Variants in CDCA7L observed in about 807,000 individuals in gnomAD.
CDCA7L encodes cell division cycle associated 7 like.
CDCA7L carries 44 observed loss-of-function variants against 57.4 expected under a neutral mutation model. The observed-to-expected ratio is 0.77, with a 90% confidence interval of 0.60 to 0.98. CDCA7L has a LOEUF of 0.98. Ranked by LOEUF, CDCA7L falls within the 50% of genes least tolerant of loss-of-function variation. CDCA7L has a pLI of 0.00. For missense variants in CDCA7L, 644 were observed against 580.6 expected (o/e 1.11, Z -1.12); for synonymous variants, 236 against 202.8 (o/e 1.16, Z -1.39).
At chr7:21,905,268 C>G (rs1785102421) in intron 7 of CDCA7L, among the ~76,000 whole-genome samples, 5 of 152,090 alleles carry the variant, frequency 3.3e-5, no homozygotes, top group Admixed American at 3.3e-4. Context: ...TTAAACTATA[C>G]CGTTCCCTTC....
intron 3 of CDCA7L, among the ~76,000 whole-genome samples, chr7:21,911,190 C>T (rs1034588720): frequency 4.6e-5 from 7 of 151,598 alleles, no homozygotes; most frequent in African/African-American, 9.7e-5. Flanking sequence ...CCACCACGCC[C>T]GGCTAATTTT....
Position 21,901,452 on chromosome 7 carries a change from G to A in CDCA7L, c.*870C>T, listed in dbSNP as rs1345099922. 3.2e-6 allele frequency: 2 copies of A among 628,412 alleles called. No homozygotes were observed. Among genetic ancestry groups the A allele is most frequent in the South Asian group, 5.0e-5 (1 of 19,982 alleles). The allele number at this position is 628,412 out of a possible 1,614,324, so 38.9% of individuals were successfully genotyped here. ...GGGCTGAGCGTGGTGGCACACGACT[G>A]TAATCCCAGTTACTCAGGAGGTAGG... On this transcript the variant is annotated 3_prime_UTR_variant, in exon 10 of 10. Coordinates refer to ENST00000406877, the MANE Select transcript of CDCA7L (RefSeq NM_018719.5).
At chr7:21,915,896 G>C (rs1386115389) in intron 2 of CDCA7L, among the ~76,000 whole-genome samples, 1 of 152,096 alleles carries the variant, frequency 6.6e-6, no homozygotes, top group African/African-American at 2.4e-5. Context: ...CAGGTGGTTA[G>C]AAGGAGGTCT....
chr7:21,904,822 A>C (rs887515578), intron 7 of CDCA7L, among the ~76,000 whole-genome samples: 1 of 152,182 alleles, frequency 6.6e-6, no homozygotes, highest in Non-Finnish European at 1.5e-5. Context: ...GGCTGAGCAG[A>C]GACCCAGAAG....
In CDCA7L at chr7:21,906,218, G is replaced by C; in HGVS notation, c.921+71C>G. 4.2e-6 allele frequency: 6 copies of C among 1,444,408 alleles called. No individual in the cohort carries two copies. In the South Asian group the frequency reaches 5.3e-5, roughly 13 times the overall value. The allele number at this position is 1,444,408 out of a possible 1,614,324, so 89.5% of individuals were successfully genotyped here. On this transcript the variant is annotated intron_variant, in intron 6 of 9. Transcript: ENST00000406877. ...GGTCAGAACCAGCCCTGGGGTGACA[G>C]TGACGTGCGTTCACGTTTGGAGGGA...
chr7:21,945,097 A>C (rs57454869), intron 1 of CDCA7L, among the ~76,000 whole-genome samples: 5,542 of 152,146 alleles, frequency 0.036, 287 homozygotes, highest in African/African-American at 0.11. Context: ...CATTCCCACT[A>C]CTCACTGAAA....
chr7:21,907,198 T>A (rs1419661678), intron 4 of CDCA7L, among the ~76,000 whole-genome samples: 1 of 152,180 alleles, frequency 6.6e-6, no homozygotes, highest in African/African-American at 2.4e-5. Flanking sequence ...TCGTTTTAGT[T>A]TATACAATTA....
At chr7:21,937,814 A>G (rs1207906761) in intron 1 of CDCA7L, among the ~76,000 whole-genome samples, 1 of 152,230 alleles carries the variant, frequency 6.6e-6, no homozygotes, top group Non-Finnish European at 1.5e-5. Flanking sequence ...ACAGTTAACT[A>G]ATTTTCAACA....
chr7:21,907,515 T>C (rs1198895920), intron 4 of CDCA7L, among the ~76,000 whole-genome samples: 1 of 152,224 alleles, frequency 6.6e-6, no homozygotes, highest in Non-Finnish European at 1.5e-5. Flanking sequence ...AATGATTCTC[T>C]ACAATGATCA....
intron 1 of CDCA7L, among the ~76,000 whole-genome samples, chr7:21,930,716 A>T (rs1785982203): frequency 6.7e-6 from 1 of 150,364 alleles, no homozygotes. Context: ...AAAAAAAAAA[A>T]AAAAAAAGAA....
chr7:21,903,212 A>G, intron 8 of CDCA7L, 98 bp from the exon 9 acceptor site: 2 of 1,179,426 alleles, frequency 1.7e-6, no homozygotes, highest in Non-Finnish European at 2.4e-6. Flanking sequence ...CCTCTCCTCC[A>G]ACCTTTAATC....
intron 1 of CDCA7L, among the ~76,000 whole-genome samples, chr7:21,922,715 CT>C (rs1445118872): frequency 6.6e-6 from 1 of 152,170 alleles, no homozygotes; most frequent in African/African-American, 2.4e-5. Context: ...TATCCTTTCC[CT>C]TATTCATGGC....
chr7:21,920,471 G>C (rs1785616933), intron 1 of CDCA7L, among the ~76,000 whole-genome samples: 1 of 152,160 alleles, frequency 6.6e-6, no homozygotes, highest in Admixed American at 6.5e-5. Flanking sequence ...TTCAATCAAA[G>C]GAAGTGTAAC....
intron 8 of CDCA7L, chr7:21,903,895 C>G (rs1785036138): frequency 2.5e-6 from 1 of 396,024 alleles, no homozygotes; most frequent in Admixed American, 4.3e-5. Flanking sequence ...AATGGAAAAT[C>G]TAACAACATT....
intron 1 of CDCA7L, among the ~76,000 whole-genome samples, chr7:21,935,822 G>T (rs537257149): frequency 3.5e-4 from 53 of 152,100 alleles, no homozygotes; most frequent in African/African-American, 1.2e-3. Context: ...GCCTGGCCAA[G>T]ATGGTGAAAC....
At chr7:21,944,399 C>T (rs762251577) in intron 1 of CDCA7L, among the ~76,000 whole-genome samples, 6 of 137,322 alleles carry the variant, frequency 4.4e-5, no homozygotes, top group Non-Finnish European at 9.1e-5. Flanking sequence ...TGCAGTGAGC[C>T]GAGGTCGCGC....
At chr7:21,919,141 C>A (rs1234972078) in intron 1 of CDCA7L, among the ~76,000 whole-genome samples, 1 of 152,112 alleles carries the variant, frequency 6.6e-6, no homozygotes, top group Non-Finnish European at 1.5e-5. Context: ...TTAGGGACTG[C>A]AAAAGAGAAA....
intron 7 of CDCA7L, among the ~76,000 whole-genome samples, chr7:21,904,638 G>A (rs1437426270): frequency 2.6e-5 from 4 of 152,164 alleles, no homozygotes; most frequent in Admixed American, 6.5e-5. Context: ...TCTAATGCCC[G>A]ATGATCTGAG....
chr7:21,932,597 A>G (rs1340809394), intron 1 of CDCA7L, among the ~76,000 whole-genome samples: 3 of 152,260 alleles, frequency 2.0e-5, no homozygotes, highest in African/African-American at 4.8e-5. Context: ...CTGGCTAGCC[A>G]TATGCAGAAA....
Sources: gnomAD v4.1 joint callset for allele counts (sites outside exome capture counted in the v4.1 genomes callset) on GRCh38, gnomAD v4.1.1 for gene constraint, MANE v1.5 for transcripts, NCBI Gene and HGNC (gene_info 2026-07-23, HGNC 2026-07-21) for gene names.